The following TEX52 variants were observed in gnomAD, a reference collection of about 807,000 sequenced individuals.
The protein encoded by TEX52 is testis expressed 52, also known as testis-expressed protein 52.
In TEX52, 22 loss-of-function variants were observed where a neutral mutation model predicts 17.6. The observed-to-expected ratio is 1.25, with a 90% confidence interval of 0.89 to 1.78. The LOEUF (loss-of-function observed/expected upper bound fraction) is 1.78. TEX52 is among the 40% of genes most tolerant of loss of function. The probability of loss-of-function intolerance (pLI) is 0.00; values close to 1 mark genes in which losing one functional copy is unlikely to be tolerated. For missense variants in TEX52, 396 were observed against 372.3 expected (o/e 1.06, Z -0.52); for synonymous variants, 168 against 147.4 (o/e 1.14, Z -1.01).
chr12:2,856,430 A>G (rs1302790270), intron 1 of TEX52, among the ~76,000 whole-genome samples: 1 of 152,084 alleles, frequency 6.6e-6, no homozygotes, highest in Non-Finnish European at 1.5e-5. Context: ...CAATGGTGCA[A>G]TCTCGGCTCA....
rs1161429983 is a variant in TEX52 at position 2,849,486 on chromosome 12, C to T, written c.663G>A (p.Gln221=). The T allele has an allele frequency of 6.5e-7, 1 of 1,536,016 alleles. No homozygotes were observed. The highest frequency in any genetic ancestry group is 8.7e-7 in the Non-Finnish European group (1 of 1,146,924). Residue 221 remains glutamine (Q), a synonymous_variant, in exon 3 of 3, where the codon CAG becomes CAA. Coordinates refer to ENST00000637658, the MANE Select transcript of TEX52 (RefSeq NM_001365174.2). ...HISAGGRFEP[Q]GLQLMPNPFP... ...ACGGGTTGGGCATGAGCTGGAGGCC[C>T]TGGGGTTCAAACCTCCCACCAGCGG... is the stretch of plus-strand genomic sequence containing the variant.
chr12:2,856,073 A>T (rs1565454533), intron 1 of TEX52, among the ~76,000 whole-genome samples: 1 of 152,144 alleles, frequency 6.6e-6, no homozygotes. Context: ...AGCAGCAAGT[A>T]CATATTGATG....
chr12:2,855,161 C>G lies in TEX52; in HGVS notation c.358G>C (p.Val120Leu). The G allele has an allele frequency of 6.6e-7, 1 of 1,523,776 alleles. No homozygotes were observed. Among genetic ancestry groups the G allele is most frequent in the Non-Finnish European group, 8.8e-7 (1 of 1,139,382 alleles). The allele number at this position is 1,523,776 out of a possible 1,614,324, so 94.4% of individuals were successfully genotyped here. Reference protein sequence around the residue: ...TQPDRPYDSNVWRWLTDSNAH... With the variant: ...TQPDRPYDSNLWRWLTDSNAH... ...TTGGAGTCGGTCAGCCAGCGCCAGA[C>G]ATTGCTATCGTAGGGCCTGTCAGGC... The change falls in exon 2 of 3, where the codon GTC becomes CTC. Residue 120 changes from valine (V) to leucine (L), a missense_variant. Transcript: ENST00000637658.
intron 1 of TEX52, among the ~76,000 whole-genome samples, chr12:2,856,182 G>A (rs1603495308): frequency 1.3e-5 from 2 of 152,182 alleles, no homozygotes; most frequent in African/African-American, 4.8e-5. Context: ...GCAACACACA[G>A]TAAGGGTAGG....
rs185020457 is a variant in TEX52 at position 2,853,798 on chromosome 12, G to C, written c.623+1098C>G. ...CCGTGAGTTCCCAGGGTGGCCGGGA[G>C]GGGGAGCTGCGGGGTTCACAGCGGC... On this transcript the variant is annotated intron_variant, in intron 2 of 2. Coordinates refer to ENST00000637658, the MANE Select transcript of TEX52 (RefSeq NM_001365174.2). Among the ~76,000 whole-genome samples the C allele has an allele frequency of 1.9e-4, 29 of 152,172 alleles. No individual in the cohort carries two copies. The East Asian group carries it at 5.0e-3, about 26-fold the overall frequency.
intron 2 of TEX52, among the ~76,000 whole-genome samples, chr12:2,851,081 C>G (rs993212453): frequency 2.1e-5 from 3 of 140,884 alleles, no homozygotes; most frequent in African/African-American, 8.0e-5. Context: ...CCAGGAGAAT[C>G]GCTTGAACCC....
Position 2,849,137 on chromosome 12 carries a change from T to C in TEX52, c.*94A>G. On this transcript the variant is annotated 3_prime_UTR_variant, in exon 3 of 3. Coordinates refer to ENST00000637658, the MANE Select transcript of TEX52 (RefSeq NM_001365174.2). The stretch of plus-strand genomic sequence containing the variant: ...CTGTTCTGCAGAAGCCAGAGTCCTT[T>C]TGCTACCCCAGGGCCTCTTGCTGAA... 7.5e-7 allele frequency: 1 copy of C among 1,330,084 alleles called. No individual in the cohort carries two copies. The highest frequency in any genetic ancestry group is 1.0e-6 in the Non-Finnish European group (1 of 1,000,524). The allele number at this position is 1,330,084 out of a possible 1,614,324, so 82.4% of individuals were successfully genotyped here. A position where few individuals can be genotyped will look rare whatever the true frequency, so the allele number is the denominator to read the frequency against.
chr12:2,849,432 G>A lies in TEX52; in HGVS notation c.717C>T (p.Pro239=), dbSNP rs1168394542. ...PFPNNFARSW[P]CPNPLPHYQE... is the part of the protein sequence containing the mutation. ...GGTAGTGAGGCAGAGGGTTTGGGCA[G>A]GGCCAGCTCCTGGCGAAATTATTGG... The change falls in exon 3 of 3, where the codon CCC becomes CCT. Residue 239 remains proline, a synonymous_variant. Coordinates refer to ENST00000637658, the MANE Select transcript of TEX52 (RefSeq NM_001365174.2). 6.5e-7 allele frequency: 1 copy of A among 1,536,078 alleles called. No homozygotes were observed. Among genetic ancestry groups the A allele is most frequent in the South Asian group, 1.2e-5 (1 of 84,068 alleles).
downstream of TEX52, among the ~76,000 whole-genome samples, chr12:2,848,877 GCACACACA>G (rs3056877): frequency 1.1e-4 from 16 of 140,368 alleles, no homozygotes; most frequent in South Asian, 4.7e-4. Context: ...ACACACACAC[GCACACACA>G]CACACACACA....
chr12:2,851,245 G>C (rs1323792709), intron 2 of TEX52, among the ~76,000 whole-genome samples: 1 of 152,112 alleles, frequency 6.6e-6, no homozygotes, highest in Non-Finnish European at 1.5e-5. Flanking sequence ...CTCTGGGTGA[G>C]TGAGTGAGTG....
At chr12:2,850,688 G>T (rs11062383) in intron 2 of TEX52, among the ~76,000 whole-genome samples, 28 of 93,226 alleles carry the variant, frequency 3.0e-4, no homozygotes, top group Middle Eastern at 6.0e-3. Flanking sequence ...GTTTTGTTTT[G>T]TTGAGACAGA....
chr12:2,848,866 G>GAC (rs57562074), downstream of TEX52, among the ~76,000 whole-genome samples: 3 of 115,766 alleles, frequency 2.6e-5, no homozygotes, highest in Non-Finnish European at 5.4e-5. Context: ...CACCCCAACA[G>GAC]ACACACACAC....
At chr12:2,849,882 C>T (rs2098064535) in intron 2 of TEX52, among the ~76,000 whole-genome samples, 1 of 152,212 alleles carries the variant, frequency 6.6e-6, no homozygotes, top group Non-Finnish European at 1.5e-5. Flanking sequence ...TCACAGAACT[C>T]AGCTCAACTG....
At chr12:2,853,245 A>G (rs765875148) in intron 2 of TEX52, among the ~76,000 whole-genome samples, 12 of 151,806 alleles carry the variant, frequency 7.9e-5, no homozygotes, top group Non-Finnish European at 1.5e-4. Context: ...CCCACAAAGG[A>G]GACTGATCTC....
At chr12:2,855,539 C>T in intron 1 of TEX52, 93 bp from the exon 2 acceptor site, 2 of 966,108 alleles carry the variant, frequency 2.1e-6, no homozygotes, top group Non-Finnish European at 2.8e-6. Context: ...CCAGGCACGA[C>T]CTCTGCCAGC....
rs530489883 is a variant in TEX52 at position 2,854,393 on chromosome 12, C to T, written c.623+503G>A. 6.6e-5 allele frequency among the ~76,000 whole-genome samples: 10 copies of T among 152,362 alleles called. No homozygotes were observed. The East Asian group carries it at 7.7e-4, about 12-fold the overall frequency. On this transcript the variant is annotated intron_variant, in intron 2 of 2. Transcript: ENST00000637658. ...TCAATTTATCCTCCCACAGTGAGGTCGGTACCTGAGGCTCCCCCCTTCATC... is the reference window on the plus strand; with the variant it reads ...TCAATTTATCCTCCCACAGTGAGGTTGGTACCTGAGGCTCCCCCCTTCATC...
intron 2 of TEX52, among the ~76,000 whole-genome samples, chr12:2,851,705 G>T (rs999363340): frequency 2.0e-5 from 3 of 151,198 alleles, no homozygotes; most frequent in African/African-American, 7.3e-5. Flanking sequence ...CCAAGATGTA[G>T]TCTTGATCTG....
chr12:2,852,714 G>A (rs77964776), intron 2 of TEX52, among the ~76,000 whole-genome samples: 4,880 of 152,104 alleles, frequency 0.032, 244 homozygotes, highest in African/African-American at 0.11. Context: ...TGTAAAATGG[G>A]GTTAATGAGG....
chr12:2,851,717 C>G (rs957365198), intron 2 of TEX52, among the ~76,000 whole-genome samples: 3 of 151,686 alleles, frequency 2.0e-5, no homozygotes, highest in Non-Finnish European at 2.9e-5. Context: ...CTTGATCTGT[C>G]ACCCAGGCTG....
Sources: allele counts gnomAD v4.1 joint callset (sites outside exome capture counted in the v4.1 genomes callset), GRCh38; gene constraint gnomAD v4.1.1; transcripts MANE v1.5; gene names NCBI Gene and HGNC (gene_info 2026-07-23, HGNC 2026-07-21).